The following DOCK7 variants were observed in gnomAD, a reference collection of about 807,000 sequenced individuals.
The protein encoded by DOCK7 is dedicator of cytokinesis 7, also known as dedicator of cytokinesis protein 7.
In DOCK7, 138 loss-of-function variants were observed where a neutral mutation model predicts 271.0. That is an observed-to-expected ratio of 0.51 (90% CI 0.44 to 0.59). The LOEUF (loss-of-function observed/expected upper bound fraction) is 0.59, where lower values mean the gene tolerates loss of function less well. Ranked by LOEUF, DOCK7 falls within the 20% of genes least tolerant of loss-of-function variation. DOCK7 has a pLI of 0.00. For missense variants in DOCK7, 2,066 were observed against 2,592.4 expected, an observed-to-expected ratio of 0.80 and a Z score of 4.41; for synonymous variants, 823 against 876.1, an observed-to-expected ratio of 0.94 and a Z score of 1.07.
intron 14 of DOCK7, chr1:62,608,888 AAAC>A (rs1320126952): frequency 6.6e-6 from 1 of 152,210 alleles, no homozygotes; most frequent in African/African-American, 2.4e-5. Flanking sequence ...GGTATTCATT[AAAC>A]AACACTTATT....
intron 43 of DOCK7, chr1:62,486,071 C>A (rs1346124537): frequency 6.6e-6 from 1 of 151,988 alleles, no homozygotes; most frequent in Admixed American, 6.6e-5. Flanking sequence ...TAATTTTCAA[C>A]TAATTCTATT....
At chr1:62,542,033 A>C (rs1180297838) in intron 25 of DOCK7, among the ~76,000 whole-genome samples, 1 of 151,950 alleles carries the variant, frequency 6.6e-6, no homozygotes, top group Non-Finnish European at 1.5e-5. Context: ...CACCAGGTTT[A>C]GCTAATTTAA....
At chr1:62,546,794 T>A (rs1645724202) in intron 22 of DOCK7, among the ~76,000 whole-genome samples, 1 of 152,084 alleles carries the variant, frequency 6.6e-6, no homozygotes. Context: ...ATATTTCGAA[T>A]AAAAGCAAAC....
intron 22 of DOCK7, among the ~76,000 whole-genome samples, chr1:62,546,378 T>C (rs1171056228): frequency 6.6e-6 from 1 of 152,042 alleles, no homozygotes; most frequent in African/African-American, 2.4e-5. Context: ...CCCAAATATA[T>C]AGAGAAATTG....
At chr1:62,521,952 T>G (rs1690767) in intron 31 of DOCK7, among the ~76,000 whole-genome samples, 149,868 of 152,232 alleles carry the variant, frequency 0.98, 73,808 homozygotes, top group Middle Eastern at 1. Flanking sequence ...CTCCAGCCTG[T>G]GTGATACAGC....
intron 12 of DOCK7, among the ~76,000 whole-genome samples, chr1:62,623,510 T>C (rs1005055123): frequency 6.6e-6 from 1 of 152,188 alleles, no homozygotes; most frequent in African/African-American, 2.4e-5. Flanking sequence ...GATAAATAGA[T>C]AGGGGGTAGA....
At chr1:62,648,841 T>C (rs950705059) in intron 4 of DOCK7, among the ~76,000 whole-genome samples, 7 of 151,990 alleles carry the variant, frequency 4.6e-5, no homozygotes, top group South Asian at 2.1e-4. Context: ...AAAAGAAAAC[T>C]TGGGAAGCCA....
At chr1:62,486,583 G>T (rs1235987273) in intron 43 of DOCK7, 2 of 151,980 alleles carry the variant, frequency 1.3e-5, no homozygotes, top group Admixed American at 6.5e-5. Context: ...TTTTTTTCGG[G>T]TAAGATTGTA....
chr1:62,652,574 G>C (rs939852234), intron 4 of DOCK7, among the ~76,000 whole-genome samples: 2 of 152,018 alleles, frequency 1.3e-5, no homozygotes, highest in South Asian at 2.1e-4. Flanking sequence ...CCAGCACACA[G>C]TAAACCCATA....
intron 28 of DOCK7, among the ~76,000 whole-genome samples, chr1:62,537,572 C>G (rs1571449711): frequency 8.3e-6 from 1 of 121,150 alleles, no homozygotes; most frequent in African/African-American, 3.2e-5. Flanking sequence ...GGAGAAACAG[C>G]AAGACTCTGT....
intron 18 of DOCK7, among the ~76,000 whole-genome samples, chr1:62,576,558 TTTGAA>T (rs1479564973): frequency 6.6e-6 from 1 of 152,236 alleles, no homozygotes; most frequent in African/African-American, 2.4e-5. Flanking sequence ...GTGAATACAT[TTTGAA>T]TTGTATTCTG....
At chr1:62,511,384 A>G (rs943273309) in intron 33 of DOCK7, 82 of 152,232 alleles carry the variant, frequency 5.4e-4, no homozygotes, top group African/African-American at 1.9e-3. Context: ...TGGAGACAGC[A>G]TTGAGAATGT....
chr1:62,595,634 A>G (rs1649121347), intron 14 of DOCK7, among the ~76,000 whole-genome samples: 1 of 152,176 alleles, frequency 6.6e-6, no homozygotes, highest in African/African-American at 2.4e-5. Flanking sequence ...CATTTCTAAG[A>G]ATAGAAATTT....
chr1:62,679,855 G>A (rs1391483897), intron 1 of DOCK7, among the ~76,000 whole-genome samples: 3 of 152,256 alleles, frequency 2.0e-5, no homozygotes, highest in Admixed American at 2.0e-4. Flanking sequence ...TCTTCAAGGA[G>A]AACTACAAAC....
chr1:62,565,161 A>G (rs1005196058), intron 18 of DOCK7, among the ~76,000 whole-genome samples: 2 of 152,106 alleles, frequency 1.3e-5, no homozygotes, highest in Non-Finnish European at 2.9e-5. Flanking sequence ...ACTATTCCAA[A>G]CAACAGAAAA....
rs953504213 is a variant in DOCK7, at chr1:62,495,773, A to G, written c.4924-92T>C. 9.0e-6 allele frequency: 9 copies of G among 994,844 alleles called. No homozygotes were observed. The African/African-American group carries it at 1.5e-4, about 17-fold the overall frequency. 61.6% of individuals were successfully genotyped at this position (994,844 alleles called of 1,614,324 possible). ...TCAGAGATATTTCAGATAAATATCT[A>G]AAGATTTCAAAACAAGTTGTAGGAT... On this transcript the variant is annotated intron_variant, in intron 38 of 49. Coordinates refer to ENST00000635253, the MANE Select transcript of DOCK7 (RefSeq NM_001367561.1).
chr1:62,543,956 T>C (rs772113723), intron 23 of DOCK7, among the ~76,000 whole-genome samples: 1 of 152,200 alleles, frequency 6.6e-6, no homozygotes, highest in Non-Finnish European at 1.5e-5. Context: ...ATTTTTGGTC[T>C]TTAAAAAATG....
chr1:62,536,763 C>A (rs891803170), intron 28 of DOCK7, among the ~76,000 whole-genome samples: 1 of 152,120 alleles, frequency 6.6e-6, no homozygotes, highest in African/African-American at 2.4e-5. Flanking sequence ...GATTAACTAA[C>A]TTTCACTTTA....
intron 22 of DOCK7, among the ~76,000 whole-genome samples, chr1:62,551,321 C>T (rs552997734): frequency 6.8e-6 from 1 of 146,916 alleles, no homozygotes; most frequent in Non-Finnish European, 1.5e-5. Flanking sequence ...ACATAAAATA[C>T]ACTAACATTA....
Sources: allele counts gnomAD v4.1 joint callset (sites outside exome capture counted in the v4.1 genomes callset), GRCh38; gene constraint gnomAD v4.1.1; transcripts MANE v1.5; gene names NCBI Gene and HGNC (gene_info 2026-07-23, HGNC 2026-07-21).